The following EPG5 variants were observed in gnomAD, a reference collection of about 807,000 sequenced individuals.
EPG5 encodes ectopic P-granules 5 autophagy tethering factor.
In EPG5, 159 loss-of-function variants were observed where a neutral mutation model predicts 302.7. That is an observed-to-expected ratio of 0.53 (90% CI 0.46 to 0.60). The LOEUF is 0.60. EPG5 is among the 20% of genes least tolerant of loss of function. EPG5 has a pLI of 0.00. For synonymous variants in EPG5, 1,158 were observed against 1,136.8 expected, an observed-to-expected ratio of 1.02 and a Z score of -0.37; for missense variants, 2,896 against 3,092.4, an observed-to-expected ratio of 0.94 and a Z score of 1.51.
rs578073131 is a variant in EPG5 at position 45,880,198 on chromosome 18, G to A, written c.5544C>T (p.Pro1848=). Residue 1848 remains proline (P), a synonymous_variant, in exon 32 of 44, where the codon CCC becomes CCT. Transcript: ENST00000282041. ...CTCTCAGAGTGGCCTTCCAACACTC[G>A]GGGCTCAGAAGCTGCTCCGCGGAGC... ...MQSSAEQLLS[P]ECWKATLRAL... 5.0e-5 allele frequency: 80 copies of A among 1,606,026 alleles called. No individual in the cohort carries two copies. In the East Asian group the frequency reaches 1.1e-3, roughly 21 times the overall value.
At chr18:45,927,526 C>G (rs751519613) in intron 13 of EPG5, among the ~76,000 whole-genome samples, 1 of 151,358 alleles carries the variant, frequency 6.6e-6, no homozygotes, top group Non-Finnish European at 1.5e-5. Flanking sequence ...AAACATTATT[C>G]ACAATAGTCA....
At position 45,887,857 on chromosome 18, in the gene EPG5, A is replaced by G; in HGVS notation, c.5003T>C (p.Val1668Ala). Reference sequence around the variant, plus strand: ...AATAGTAAAGAAAAGGCTAATGCCAACTTTCTGAATCCCAGGTGTAGGCTG... The same window carrying G: ...AATAGTAAAGAAAAGGCTAATGCCAGCTTTCTGAATCCCAGGTGTAGGCTG... ...KLQPTPGIQK[V>A]GISLFFTIVD... Residue 1668 changes from valine to alanine, a missense_variant, in exon 29 of 44, where the codon GTT (valine) becomes GCT (alanine). Transcript: ENST00000282041. The G allele has an allele frequency of 6.2e-7, 1 of 1,600,160 alleles. No homozygotes were observed. The highest frequency in any genetic ancestry group is 8.6e-7 in the Non-Finnish European group (1 of 1,169,538).
chr18:45,921,760 A>T (rs2050158603), intron 16 of EPG5, among the ~76,000 whole-genome samples: 1 of 152,102 alleles, frequency 6.6e-6, no homozygotes, highest in Admixed American at 6.5e-5. Context: ...GAAATTGAAC[A>T]ATGAGAACAC....
intron 39 of EPG5, among the ~76,000 whole-genome samples, chr18:45,862,795 G>A (rs934551314): frequency 1.8e-4 from 28 of 152,190 alleles, no homozygotes; most frequent in African/African-American, 6.0e-4. Context: ...ATCACCCAGT[G>A]TTGGGTTTTT....
intron 30 of EPG5, among the ~76,000 whole-genome samples, chr18:45,883,290 T>C (rs2049139553): frequency 6.6e-6 from 1 of 152,146 alleles, no homozygotes; most frequent in South Asian, 2.1e-4. Context: ...GCAGCCACTT[T>C]ATGGAACTGT....
chr18:45,845,108 G>A (rs1375770405), downstream of EPG5, among the ~76,000 whole-genome samples: 2 of 152,168 alleles, frequency 1.3e-5, no homozygotes, highest in South Asian at 2.1e-4. Flanking sequence ...TTAAGCTAAC[G>A]GTTGAGACTG....
At chr18:45,888,406 C>T (rs921181235) in intron 28 of EPG5, among the ~76,000 whole-genome samples, 11 of 152,190 alleles carry the variant, frequency 7.2e-5, no homozygotes, top group East Asian at 1.9e-4. Context: ...AGGGTTCAAG[C>T]GATTCTAACA....
At chr18:45,855,875 A>G (rs1599419930) in intron 42 of EPG5, among the ~76,000 whole-genome samples, 188 bp from the exon 43 acceptor site, 1 of 152,218 alleles carries the variant, frequency 6.6e-6, no homozygotes, top group Non-Finnish European at 1.5e-5. Context: ...TCCAAACAAT[A>G]TATGTATAAT....
chr18:45,865,891 TG>T, intron 38 of EPG5, 132 bp from the exon 39 acceptor site: 1 of 1,055,838 alleles, frequency 9.5e-7, no homozygotes, highest in Non-Finnish European at 1.4e-6. Flanking sequence ...GGAAGCCACA[TG>T]AAGACTTAGT....
At chr18:45,913,555 A>G (rs561936068) in intron 21 of EPG5, 151 bp downstream of exon 21, 4 of 923,686 alleles carry the variant, frequency 4.3e-6, no homozygotes, top group African/African-American at 1.7e-5. Context: ...GTACTCTTCA[A>G]TTACACAGTT....
chr18:45,844,945 C>T (rs142745926), downstream of EPG5, among the ~76,000 whole-genome samples: 117 of 152,336 alleles, frequency 7.7e-4, no homozygotes, highest in African/African-American at 2.7e-3. Context: ...CTGCTTTGTG[C>T]TCTATCACCT....
At chr18:45,855,306 T>TA (rs2048491895) in intron 43 of EPG5, 4 of 344,824 alleles carry the variant, frequency 1.2e-5, no homozygotes, top group Non-Finnish European at 2.2e-5. Flanking sequence ...TATTCACACT[T>TA]ATCAGAACCA....
chr18:45,926,999 T>A (rs967094686), intron 13 of EPG5, among the ~76,000 whole-genome samples: 2 of 151,772 alleles, frequency 1.3e-5, no homozygotes, highest in Non-Finnish European at 2.9e-5. Flanking sequence ...TATCTCAATA[T>A]AATCATCTTG....
chr18:45,904,448 A>C (rs1023383609), intron 24 of EPG5, among the ~76,000 whole-genome samples: 1 of 152,254 alleles, frequency 6.6e-6, no homozygotes, highest in Non-Finnish European at 1.5e-5. Flanking sequence ...GAGGTAAAAA[A>C]TAAAATGTTA....
rs1599529261 is a variant in EPG5 at position 45,901,060 on chromosome 18, A to G, written c.4582T>C (p.Leu1528=). The G allele has an allele frequency of 6.2e-7, 1 of 1,614,184 alleles. No individual in the cohort carries two copies. The highest frequency in any genetic ancestry group is 8.5e-7 in the Non-Finnish European group (1 of 1,180,030). The change falls in exon 26 of 44, where the codon TTG becomes CTG. Residue 1528 remains leucine (L), a synonymous_variant. Transcript: ENST00000282041. ...AGCTGGGTGGCGTCCTTCTGACTCA[A>G]TAGCACAGCAGAGGAAATAACTGGC... ...PVPVISSAVL[L]SQKDATQLVC...
the EPG5 span, among the ~76,000 whole-genome samples, chr18:45,805,420 C>A: frequency 1.3e-5 from 1 of 76,720 alleles, no homozygotes; most frequent in Non-Finnish European, 2.7e-5. Flanking sequence ...TAAAGAGCTT[C>A]TGTAAAAAAA....
At chr18:45,922,231 T>C (rs949011845) in intron 16 of EPG5, 110 bp downstream of exon 16, 8 of 1,369,838 alleles carry the variant, frequency 5.8e-6, no homozygotes, top group African/African-American at 4.4e-5. Flanking sequence ...TTTGGCCCAA[T>C]TGCTCCGCAA....
At position 45,870,762 on chromosome 18, in the gene EPG5, T is replaced by C. The variant is rs746867701; in HGVS notation, c.6050-20A>G. Reference sequence around the variant, plus strand: ...GCTTATCTAGAATGTGAAAAGAAAATAGAGCTGAAGACCTTTGGTTTACCT... The same window carrying C: ...GCTTATCTAGAATGTGAAAAGAAAACAGAGCTGAAGACCTTTGGTTTACCT... On this transcript the variant is annotated intron_variant, in intron 35 of 43. Transcript: ENST00000282041. The C allele has an allele frequency of 8.7e-5, 128 of 1,472,696 alleles. No individual in the cohort carries two copies. Among genetic ancestry groups the C allele is most frequent in the Admixed American group, 1.5e-4 (8 of 51,870 alleles). The allele number at this position is 1,472,696 out of a possible 1,614,324, so 91.2% of individuals were successfully genotyped here.
rs756643630 is a variant in EPG5, at chr18:45,884,695, C to A, written c.5226G>T (p.Glu1742Asp). 3 of 1,611,778 alleles carry A rather than the reference C, an allele frequency of 1.9e-6. No individual in the cohort carries two copies. The African/African-American group carries it at 4.0e-5, about 22-fold the overall frequency. ...CCACTTGCTCATACAGCTGTATGAA[C>A]TCTGCAGGTGCAGCATTGGGAGTGA... ...PFFTPNAAPA[E>D]FIQLYEQVVK... Residue 1742 changes from glutamate (E) to aspartate (D), a missense_variant, in exon 30 of 44, where the codon GAG becomes GAT. Glu to Asp is a conservative substitution (Grantham distance 45). Around this residue, in one of 5 missense-constraint regions of EPG5, gnomAD observed 790 missense variants for 798.0 expected, o/e 0.99. Transcript: ENST00000282041.
Sources: gnomAD v4.1 joint callset for allele counts (sites outside exome capture counted in the v4.1 genomes callset) on GRCh38, gnomAD v4.1.1 for gene constraint, gnomAD v4.1.1 regional missense constraint, MANE v1.5 for transcripts, NCBI Gene and HGNC (gene_info 2026-07-23, HGNC 2026-07-21) for gene names.